Variants in TCF12 observed in about 807,000 individuals in gnomAD.
The protein encoded by TCF12 is DNA-binding protein HTF4.
In TCF12, 45 loss-of-function variants were observed where a neutral mutation model predicts 86.0. The ratio of observed to expected loss-of-function variants is 0.52; its 90% CI spans 0.41 to 0.67. TCF12 has a LOEUF of 0.67. Ranked by LOEUF, TCF12 falls within the 30% of genes least tolerant of loss-of-function variation. The pLI is 0.00. For missense variants in TCF12, 881 were observed against 859.9 expected (o/e 1.02, Z -0.31); for synonymous variants, 330 against 299.6 (o/e 1.10, Z -1.05).
At chr15:57,254,377 C>G (rs916792709) in intron 16 of TCF12, among the ~76,000 whole-genome samples, 1 of 152,148 alleles carries the variant, frequency 6.6e-6, no homozygotes, top group South Asian at 2.1e-4. Context: ...TTTTGAGCCT[C>G]TGAAGTAAAC....
chr15:57,180,762 A>T (rs1044769970), intron 6 of TCF12, among the ~76,000 whole-genome samples: 11 of 151,424 alleles, frequency 7.3e-5, no homozygotes, highest in Admixed American at 3.3e-4. Flanking sequence ...TAAATAAATT[A>T]ATAGGTAGTA....
chr15:57,014,183 G>A (rs1469970833), intron 3 of TCF12, among the ~76,000 whole-genome samples: 2 of 152,140 alleles, frequency 1.3e-5, no homozygotes, highest in African/African-American at 4.8e-5. Flanking sequence ...TCATATCATA[G>A]TGTTGATGTA....
In TCF12 at chr15:57,063,807, C is replaced by T. The variant is rs769528163; in HGVS notation, c.206C>T (p.Ser69Phe). The change falls in exon 4 of 21, where the codon TCC becomes TTC. Residue 69 changes from serine (S) to phenylalanine (F), a missense_variant. By Grantham distance (155) the Ser-to-Phe change is radical (BLOSUM62 -2). Transcript: ENST00000333725. ...GGAACAAGTGGTCAACCAAGTCCTT[C>T]CTATGATTCATCTAGAGTAAGTTTG... ...SWGTSGQPSP[S>F]YDSSRGFTDS... 7.5e-6 allele frequency: 12 copies of T among 1,602,486 alleles called. No individual in the cohort carries two copies. The highest frequency in any genetic ancestry group is 1.1e-5 in the South Asian group (1 of 89,910).
At chr15:57,054,365 C>A (rs564942170) in intron 3 of TCF12, among the ~76,000 whole-genome samples, 15 of 152,286 alleles carry the variant, frequency 9.8e-5, no homozygotes, top group African/African-American at 2.9e-4. Flanking sequence ...GACTTATGAT[C>A]CTAATGGGTA....
upstream of TCF12, chr15:56,918,528 A>G (rs1469624844): frequency 1.7e-5 from 5 of 296,916 alleles, no homozygotes; most frequent in Non-Finnish European, 3.3e-5. Context: ...GGCTCCTCCC[A>G]GTCCCCGACA....
At chr15:57,017,160 A>G (rs1329361227) in intron 3 of TCF12, among the ~76,000 whole-genome samples, 2 of 152,190 alleles carry the variant, frequency 1.3e-5, no homozygotes, top group Non-Finnish European at 2.9e-5. Context: ...GGCCCTTGAC[A>G]CAGTTGACAC....
At chr15:57,232,881 T>C in intron 11 of TCF12, 25 bp downstream of exon 11, 1 of 1,510,128 alleles carries the variant, frequency 6.6e-7, no homozygotes, top group Non-Finnish European at 8.9e-7. Context: ...TTGGCAAAAC[T>C]TCCTAAAAGT....
At chr15:56,950,375 G>A (rs748160795) in intron 3 of TCF12, among the ~76,000 whole-genome samples, 5 of 151,814 alleles carry the variant, frequency 3.3e-5, no homozygotes, top group Middle Eastern at 3.2e-3. Flanking sequence ...GCAGGTGCAC[G>A]CCACCATGCC....
intron 5 of TCF12, among the ~76,000 whole-genome samples, chr15:57,124,156 C>G (rs1411383001): frequency 6.6e-6 from 1 of 151,906 alleles, no homozygotes; most frequent in African/African-American, 2.4e-5. Flanking sequence ...GGCTCAGAAT[C>G]TAAAGCAGGA....
At chr15:57,012,369 C>CA (rs2064884157) in intron 3 of TCF12, among the ~76,000 whole-genome samples, 2 of 152,072 alleles carry the variant, frequency 1.3e-5, no homozygotes, top group South Asian at 4.1e-4. Context: ...TATTTTGGTT[C>CA]AGTTAGAACT....
chr15:57,234,858 T>C (rs1434020637), intron 12 of TCF12, among the ~76,000 whole-genome samples: 1 of 152,164 alleles, frequency 6.6e-6, no homozygotes, highest in Non-Finnish European at 1.5e-5. Flanking sequence ...TTTTTTTTCT[T>C]CTTGTTTTCT....
At position 56,985,874 on chromosome 15, in the gene TCF12, G is replaced by A. The variant is rs575587030; in HGVS notation, c.148+64776G>A. Reference sequence around the variant, plus strand: ...TCTTAGATGATAGAAGTTATACGTAGTAAAACCAACAGGACCAACTGTGAG... The same window carrying A: ...TCTTAGATGATAGAAGTTATACGTAATAAAACCAACAGGACCAACTGTGAG... On this transcript the variant is annotated intron_variant, in intron 3 of 20. Coordinates refer to ENST00000333725, the MANE Select transcript of TCF12 (RefSeq NM_207037.2). 3.2e-4 allele frequency among the ~76,000 whole-genome samples: 48 copies of A among 152,220 alleles called. 1 individual carries two copies. Among genetic ancestry groups the A allele is most frequent in the African/African-American group, 1.1e-3 (46 of 41,544 alleles).
chr15:57,012,308 C>G (rs1328709410), intron 3 of TCF12, among the ~76,000 whole-genome samples: 1 of 152,008 alleles, frequency 6.6e-6, no homozygotes, highest in Non-Finnish European at 1.5e-5. Flanking sequence ...GATATATACA[C>G]TGAGATATTT....
intron 7 of TCF12, among the ~76,000 whole-genome samples, chr15:57,193,674 A>G (rs764361622): frequency 6.6e-6 from 1 of 152,242 alleles, no homozygotes; most frequent in African/African-American, 2.4e-5. Context: ...TTGCACAGGC[A>G]TTTGATGACT....
intron 3 of TCF12, among the ~76,000 whole-genome samples, chr15:57,025,427 C>T (rs2065768787): frequency 1.3e-5 from 2 of 152,054 alleles, no homozygotes; most frequent in African/African-American, 4.8e-5. Context: ...CTTTGGGGCA[C>T]TCCTGCTTGC....
chr15:56,978,449 A>G (rs1186192131), intron 3 of TCF12, among the ~76,000 whole-genome samples: 3 of 152,220 alleles, frequency 2.0e-5, no homozygotes, highest in Non-Finnish European at 4.4e-5. Flanking sequence ...TGTAATATAA[A>G]GAAAAATCAT....
At chr15:57,232,958 ATATATATG>A (rs1368929081) in intron 11 of TCF12, 102 bp downstream of exon 11, 1 of 684,874 alleles carries the variant, frequency 1.5e-6, no homozygotes, top group Non-Finnish European at 1.9e-6. Flanking sequence ...TATAAATGTT[ATATATATG>A]TATATATGTT....
chr15:56,950,745 G>GCTTTTTTTT lies in TCF12; in HGVS notation c.148+29647_148+29648insCTTTTTTTT, dbSNP rs1555455322. 3.0e-4 allele frequency among the ~76,000 whole-genome samples: 26 copies of GCTTTTTTTT among 85,900 alleles called. 12 individuals carry two copies. The highest frequency in any genetic ancestry group is 3.6e-4 in the African/African-American group (7 of 19,194). The allele number at this position is 85,900 out of a possible 152,430, so 56.4% of individuals were successfully genotyped here. ...TTACAAATAAAGCTATTATGACCAT[G>GCTTTTTTTT]TTTTTTTTTTTTTTTTTTTTTTTTT... is the stretch of plus-strand genomic sequence containing the variant. On this transcript the variant is annotated intron_variant, in intron 3 of 20. Transcript: ENST00000333725.
chr15:57,044,601 A>AT lies in TCF12; in HGVS notation c.149-19140dup, dbSNP rs144495692. ...TTTTTTTTCTTTTCTAACTATTGTAATTTTTTTTTCAGCCTTGCTTTTACC... is the reference window on the plus strand; with the variant it reads ...TTTTTTTTCTTTTCTAACTATTGTAATTTTTTTTTTCAGCCTTGCTTTTACC... On this transcript the variant is annotated intron_variant, in intron 3 of 20. Coordinates refer to ENST00000333725, the MANE Select transcript of TCF12 (RefSeq NM_207037.2). Among the ~76,000 whole-genome samples the AT allele has an allele frequency of 8.7e-3, 1,308 of 150,910 alleles. 22 individuals are homozygous for AT. The highest frequency in any genetic ancestry group is 0.03 in the African/African-American group (1,224 of 41,122).
Sources: allele counts gnomAD v4.1 joint callset (sites outside exome capture counted in the v4.1 genomes callset), GRCh38; gene constraint gnomAD v4.1.1; transcripts MANE v1.5; gene names NCBI Gene and HGNC (gene_info 2026-07-23, HGNC 2026-07-21).